The following GALNTL6 variants were observed in gnomAD, a reference collection of about 807,000 sequenced individuals.
GALNTL6 encodes polypeptide N-acetylgalactosaminyltransferase like 6.
In GALNTL6, 46 loss-of-function variants were observed where a neutral mutation model predicts 73.7. That is an observed-to-expected ratio of 0.62 (90% CI 0.49 to 0.80). The LOEUF is 0.80. Among genes scored for constraint, GALNTL6 ranks in the 30% least tolerant of loss-of-function variants. The pLI is 0.00. For missense variants in GALNTL6, 604 were observed against 755.0 expected, an observed-to-expected ratio of 0.80 and a Z score of 2.34; for synonymous variants, 259 against 263.7, an observed-to-expected ratio of 0.98 and a Z score of 0.17.
At chr4:172,065,628 G>T (rs529111156) in intron 2 of GALNTL6, among the ~76,000 whole-genome samples, 1 of 152,144 alleles carries the variant, frequency 6.6e-6, no homozygotes, top group Non-Finnish European at 1.5e-5. Flanking sequence ...AGGGTACAGA[G>T]ATTTCCCACA....
At chr4:172,558,582 G>C (rs1213630362) in intron 5 of GALNTL6, among the ~76,000 whole-genome samples, 2 of 152,104 alleles carry the variant, frequency 1.3e-5, no homozygotes, top group East Asian at 3.9e-4. Flanking sequence ...CCAACACTGT[G>C]GGCAACTTGA....
chr4:172,772,086 AG>A (rs34714869), intron 5 of GALNTL6, among the ~76,000 whole-genome samples: 66,110 of 151,856 alleles, frequency 0.44, 14,668 homozygotes, highest in Middle Eastern at 0.51. Context: ...GAGGTTGTGC[AG>A]GGAAACACCC....
chr4:172,929,119 T>C (rs941288724), intron 8 of GALNTL6, among the ~76,000 whole-genome samples: 11 of 152,214 alleles, frequency 7.2e-5, no homozygotes, highest in African/African-American at 1.7e-4. Context: ...CAGCTTTATA[T>C]TACCCACACA....
intron 2 of GALNTL6, among the ~76,000 whole-genome samples, chr4:172,180,073 G>A (rs1049207606): frequency 1.1e-4 from 16 of 152,196 alleles, no homozygotes; most frequent in Admixed American, 4.6e-4. Flanking sequence ...CAGTGTAAAA[G>A]TGTTCCTGTT....
intron 2 of GALNTL6, among the ~76,000 whole-genome samples, chr4:172,034,594 A>C (rs892052678): frequency 6.6e-6 from 1 of 152,162 alleles, no homozygotes; most frequent in Non-Finnish European, 1.5e-5. Context: ...CATTTGCCAA[A>C]GTAATATGAG....
intron 5 of GALNTL6, among the ~76,000 whole-genome samples, chr4:172,634,850 G>A (rs1056630191): frequency 6.6e-6 from 1 of 151,916 alleles, no homozygotes; most frequent in African/African-American, 2.4e-5. Flanking sequence ...TTTAAACAAG[G>A]TATTTTAATA....
chr4:172,772,523 G>C (rs1052294288), intron 5 of GALNTL6, among the ~76,000 whole-genome samples: 1 of 152,094 alleles, frequency 6.6e-6, no homozygotes, highest in African/African-American at 2.4e-5. Flanking sequence ...AGGAGGCCAG[G>C]GTTTTTTACA....
chr4:172,406,457 T>C (rs1246263342), intron 5 of GALNTL6, among the ~76,000 whole-genome samples: 3 of 152,160 alleles, frequency 2.0e-5, no homozygotes, highest in East Asian at 3.9e-4. Context: ...TGTTTGTATA[T>C]ACAAACATAC....
At chr4:172,780,843 G>A (rs1220783766) in intron 5 of GALNTL6, among the ~76,000 whole-genome samples, 1 of 152,110 alleles carries the variant, frequency 6.6e-6, no homozygotes, top group Admixed American at 6.6e-5. Flanking sequence ...GACACCTCTG[G>A]GCCCTGCAAC....
In GALNTL6 at chr4:172,504,634, A is replaced by AG. The variant is rs1389542242; in HGVS notation, c.553+155945_553+155946insG. ...GTAAATGCTCTAAAAAAAAAAAAAA[A>AG]AAGAAGTAATGGGGGGATGGAGTCT... is the stretch of plus-strand genomic sequence containing the variant. On this transcript the variant is annotated intron_variant, in intron 5 of 12. Coordinates refer to ENST00000506823, the MANE Select transcript of GALNTL6 (RefSeq NM_001034845.3). 6.5e-3 allele frequency among the ~76,000 whole-genome samples: 346 copies of AG among 52,850 alleles called. 130 individuals carry two copies. The highest frequency in any genetic ancestry group is 0.015 in the African/African-American group (319 of 21,162). 34.7% of individuals were successfully genotyped at this position (52,850 alleles called of 152,430 possible).
At chr4:172,882,935 T>A in intron 8 of GALNTL6, 28 bp downstream of exon 8, 3 of 1,162,548 alleles carry the variant, frequency 2.6e-6, no homozygotes, top group Non-Finnish European at 2.5e-6. Context: ...CTTCACACTA[T>A]ATCTGTATAA....
At chr4:171,962,166 G>T (rs760077601) in intron 2 of GALNTL6, among the ~76,000 whole-genome samples, 2 of 152,154 alleles carry the variant, frequency 1.3e-5, no homozygotes, top group African/African-American at 2.4e-5. Flanking sequence ...ACAGAAGATG[G>T]ATCATTATTT....
intron 4 of GALNTL6, among the ~76,000 whole-genome samples, chr4:172,338,251 C>A (rs1333671272): frequency 6.6e-6 from 1 of 152,048 alleles, no homozygotes; most frequent in Admixed American, 6.6e-5. Flanking sequence ...TCTTTATCTG[C>A]CATTTTGGGG....
intron 5 of GALNTL6, among the ~76,000 whole-genome samples, chr4:172,487,580 G>A (rs1733743353): frequency 6.6e-6 from 1 of 151,744 alleles, no homozygotes; most frequent in Admixed American, 6.6e-5. Context: ...TAGAGACGGA[G>A]TTTCACCACA....
At chr4:172,870,409 A>G (rs542758903) in intron 7 of GALNTL6, among the ~76,000 whole-genome samples, 29 of 152,234 alleles carry the variant, frequency 1.9e-4, no homozygotes, top group African/African-American at 6.0e-4. Flanking sequence ...GTAATTGTAC[A>G]TATTTTTGTT....
chr4:172,376,763 A>T (rs577312122), intron 5 of GALNTL6, among the ~76,000 whole-genome samples: 1 of 152,306 alleles, frequency 6.6e-6, no homozygotes, highest in South Asian at 2.1e-4. Context: ...CGTGGTTGCC[A>T]AAATGTATCT....
chr4:172,019,084 G>A (rs184595559), intron 2 of GALNTL6, among the ~76,000 whole-genome samples: 99 of 152,186 alleles, frequency 6.5e-4, no homozygotes, highest in African/African-American at 1.9e-3. Flanking sequence ...ACAGTTTTTC[G>A]CCTGTCTCAT....
At chr4:171,909,576 C>G (rs1737409911) in intron 2 of GALNTL6, among the ~76,000 whole-genome samples, 1 of 152,092 alleles carries the variant, frequency 6.6e-6, no homozygotes, top group South Asian at 2.1e-4. Context: ...AGCCAAAGGT[C>G]TAATGTAACT....
At chr4:172,934,707 T>C (rs918858797) in intron 9 of GALNTL6, among the ~76,000 whole-genome samples, 3 of 152,186 alleles carry the variant, frequency 2.0e-5, no homozygotes, top group Admixed American at 6.5e-5. Flanking sequence ...GGGATGCTCA[T>C]GTCTAGAGTT....
Sources: gnomAD v4.1 joint callset for allele counts (sites outside exome capture counted in the v4.1 genomes callset) on GRCh38, gnomAD v4.1.1 for gene constraint, MANE v1.5 for transcripts, NCBI Gene and HGNC (gene_info 2026-07-23, HGNC 2026-07-21) for gene names.